JMJD1C: variants seen among roughly 807,000 people sequenced by gnomAD.
JMJD1C encodes the protein jumonji domain-containing protein 1C.
JMJD1C carries 31 observed loss-of-function variants against 245.3 expected under a neutral mutation model. The ratio of observed to expected loss-of-function variants is 0.13; its 90% CI spans 0.09 to 0.17. The LOEUF (loss-of-function observed/expected upper bound fraction) is 0.17. Among genes scored for constraint, JMJD1C ranks in the 10% least tolerant of loss-of-function variants. JMJD1C has a pLI of 1.00. For missense variants in JMJD1C, 2,691 were observed against 3,000.2 expected, an observed-to-expected ratio of 0.90 and a Z score of 2.41; for synonymous variants, 1,057 against 1,017.4, an observed-to-expected ratio of 1.04 and a Z score of -0.74.
rs184666170 is a variant in JMJD1C at position 63,343,183 on chromosome 10, G to A, written c.333+37135C>T. Among the ~76,000 whole-genome samples, 20 of 152,132 alleles carry A rather than the reference G, an allele frequency of 1.3e-4. No homozygotes were observed. The East Asian group carries it at 2.5e-3, about 19-fold the overall frequency. On this transcript the variant is annotated intron_variant, in intron 2 of 25. Coordinates refer to ENST00000399262, the MANE Select transcript of JMJD1C (RefSeq NM_032776.3). ...TAAAGACCAGCCTGGACAACATGGC[G>A]AAACCCTGTCTCTACAAAAAATTTT... is the stretch of plus-strand genomic sequence containing the variant.
chr10:63,343,095 C>T (rs911404164), intron 2 of JMJD1C, among the ~76,000 whole-genome samples: 4 of 152,140 alleles, frequency 2.6e-5, no homozygotes, highest in Admixed American at 2.0e-4. Context: ...GGCACAGTGG[C>T]TCGCGTCTGC....
chr10:63,396,129 T>C (rs539867769), intron 1 of JMJD1C, among the ~76,000 whole-genome samples: 2 of 152,176 alleles, frequency 1.3e-5, no homozygotes, highest in South Asian at 4.1e-4. Context: ...AGTTAAAAAG[T>C]GGGAATCAGC....
intron 1 of JMJD1C, among the ~76,000 whole-genome samples, chr10:63,450,961 A>G (rs1209000550): frequency 6.6e-6 from 1 of 151,968 alleles, no homozygotes; most frequent in African/African-American, 2.4e-5. Flanking sequence ...AGATTCGGCA[A>G]TGTTGCAGTA....
chr10:63,208,867 A>G, intron 9 of JMJD1C, 66 bp from the exon 10 acceptor site: 1 of 1,259,848 alleles, frequency 7.9e-7, no homozygotes, highest in Non-Finnish European at 1.1e-6. Flanking sequence ...GACAGCTTCT[A>G]TGCAATATCA....
At chr10:63,309,054 T>G (rs1938734531) in intron 2 of JMJD1C, among the ~76,000 whole-genome samples, 1 of 151,932 alleles carries the variant, frequency 6.6e-6, no homozygotes, top group Non-Finnish European at 1.5e-5. Flanking sequence ...CAAACTAAAA[T>G]TCCACACCCG....
intron 2 of JMJD1C, among the ~76,000 whole-genome samples, chr10:63,305,376 A>AAG (rs201822743): frequency 2.9e-5 from 2 of 69,272 alleles, no homozygotes; most frequent in South Asian, 1.2e-3. Flanking sequence ...CAAAAAAAAA[A>AAG]CAAAAAACAA....
chr10:63,229,323 T>C (rs1008069654), intron 3 of JMJD1C, among the ~76,000 whole-genome samples: 2 of 152,110 alleles, frequency 1.3e-5, no homozygotes, highest in African/African-American at 4.8e-5. Context: ...AAAATGTCTA[T>C]CTTTCCAAAA....
intron 9 of JMJD1C, 36 bp downstream of exon 9, chr10:63,209,027 A>C: frequency 6.6e-7 from 1 of 1,515,226 alleles, no homozygotes; most frequent in Non-Finnish European, 9.0e-7. Context: ...AATTATGAAC[A>C]AGGTATTTAT....
At chr10:63,427,109 C>CAAA (rs1171772796) in intron 1 of JMJD1C, among the ~76,000 whole-genome samples, 2 of 152,166 alleles carry the variant, frequency 1.3e-5, no homozygotes, top group African/African-American at 4.8e-5. Flanking sequence ...ATACACAACT[C>CAAA]TTTTAAGATA....
At chr10:63,262,827 C>G (rs908647250) in intron 3 of JMJD1C, among the ~76,000 whole-genome samples, 1 of 152,084 alleles carries the variant, frequency 6.6e-6, no homozygotes, top group African/African-American at 2.4e-5. Flanking sequence ...AGGGTACCCC[C>G]CCCACTCTCC....
At chr10:63,297,553 T>C (rs1157301287) in intron 2 of JMJD1C, among the ~76,000 whole-genome samples, 2 of 152,052 alleles carry the variant, frequency 1.3e-5, no homozygotes, top group African/African-American at 4.8e-5. Flanking sequence ...CTGTAACACA[T>C]TCCTGGCTGG....
intron 1 of JMJD1C, among the ~76,000 whole-genome samples, chr10:63,485,929 C>T (rs1032376441): frequency 2.0e-5 from 3 of 151,790 alleles, no homozygotes; most frequent in African/African-American, 2.4e-5. Flanking sequence ...ACAAATAAAA[C>T]GGCCTATATA....
At position 63,208,210 on chromosome 10, in the gene JMJD1C, T is replaced by A; in HGVS notation, c.3459A>T (p.Gln1153His). 1 of 1,614,096 alleles carries A rather than the reference T, an allele frequency of 6.2e-7. No individual in the cohort carries two copies. Among genetic ancestry groups the A allele is most frequent in the South Asian group, 1.1e-5 (1 of 91,082 alleles). Reference sequence around the variant, plus strand: ...TGCCTACTAAACCTTCACTTTCTGGTTGGTGTTTAATCAAAGGTGGAGGCT... The same window carrying A: ...TGCCTACTAAACCTTCACTTTCTGGATGGTGTTTAATCAAAGGTGGAGGCT... ...LSKPPPLIKH[Q>H]PESEGLVGKI... The change falls in exon 10 of 26, where the codon CAA (glutamine) becomes CAT (histidine). Residue 1153 changes from glutamine (Q) to histidine (H), a missense_variant. Gln to His is a conservative substitution (Grantham distance 24, BLOSUM62 0). This residue lies in a region of JMJD1C where 1,562 missense variants were observed against 1,490.7 expected (regional missense o/e 1.05). Transcript: ENST00000399262.
Position 63,214,914 on chromosome 10 carries a change from T to C in JMJD1C, c.1253A>G (p.Asn418Ser), listed in dbSNP as rs1438778582. 1 of 1,611,316 alleles carries C rather than the reference T, an allele frequency of 6.2e-7. No individual in the cohort carries two copies. The highest frequency in any genetic ancestry group is 8.5e-7 in the Non-Finnish European group (1 of 1,178,312). ...KINGEEGKPHNNEKAGEETLK... is the reference protein window; with the variant it reads ...KINGEEGKPHSNEKAGEETLK... ...GGTCTCTTCTCCTGCCTTCTCATTA[T>C]TATGGGGTTTTCCTTCTTCTCCATT... The change falls in exon 8 of 26, where the codon AAT (asparagine) becomes AGT (serine). Residue 418 changes from asparagine (N) to serine (S), a missense_variant. By Grantham distance (46) the Asn-to-Ser change is conservative. Around this residue, in one of 9 missense-constraint regions of JMJD1C, gnomAD observed 1,562 missense variants for 1,490.7 expected, o/e 1.05. Transcript: ENST00000399262.
Position 63,185,637 on chromosome 10 carries a change from C to G in JMJD1C, c.6756G>C (p.Lys2252Asn). 6.3e-7 allele frequency: 1 copy of G among 1,597,984 alleles called. No homozygotes were observed. The highest frequency in any genetic ancestry group is 8.6e-7 in the Non-Finnish European group (1 of 1,165,158). ...ATTTTAAAACAACTGTTTCTCCACT[C>G]TTGTTTTTCTGCCGTTCTATAAGGA... Reference protein sequence around the residue: ...FEEVSKRQKNKSGETVVLKLK... With the variant: ...FEEVSKRQKNNSGETVVLKLK... Residue 2252 changes from lysine (K) to asparagine (N), a missense_variant, in exon 20 of 26, where the codon AAG (lysine) becomes AAC (asparagine). Physicochemically the swap from Lys to Asn is moderately conservative, Grantham distance 94. This residue lies in a region of JMJD1C where 232 missense variants were observed against 416.1 expected (regional missense o/e 0.56). Coordinates refer to ENST00000399262, the MANE Select transcript of JMJD1C (RefSeq NM_032776.3).
At chr10:63,465,994 C>T (rs1171341815), upstream of JMJD1C, 3 of 291,770 alleles carry the variant, frequency 1.0e-5, no homozygotes, top group Non-Finnish European at 1.9e-5. Context: ...TCTCCCTCCC[C>T]GGGCAGCGGC....
intron 2 of JMJD1C, among the ~76,000 whole-genome samples, chr10:63,347,786 C>T (rs1943983631): frequency 1.3e-5 from 2 of 151,662 alleles, no homozygotes; most frequent in African/African-American, 2.4e-5. Context: ...GTGGTGTGGG[C>T]ACCTGTAATC....
At chr10:63,476,895 G>A (rs1168742798) in intron 1 of JMJD1C, among the ~76,000 whole-genome samples, 1 of 152,134 alleles carries the variant, frequency 6.6e-6, no homozygotes, top group Non-Finnish European at 1.5e-5. Context: ...AGACAAGGAA[G>A]AGGGGAAAAT....
At chr10:63,509,530 T>C (rs1264018237) in intron 1 of JMJD1C, among the ~76,000 whole-genome samples, 1 of 152,234 alleles carries the variant, frequency 6.6e-6, no homozygotes, top group Non-Finnish European at 1.5e-5. Context: ...TGAACCCATC[T>C]GGACCTGGTA....
Sources: allele counts gnomAD v4.1 joint callset (sites outside exome capture counted in the v4.1 genomes callset), GRCh38; gene constraint gnomAD v4.1.1; regional missense constraint gnomAD v4.1.1; transcripts MANE v1.5; gene names NCBI Gene and HGNC (gene_info 2026-07-23, HGNC 2026-07-21).